The following DNAAF4 variants were observed in gnomAD, a reference collection of about 807,000 sequenced individuals.
DNAAF4 encodes the protein dynein assembly factor 4, axonemal.
Under a neutral mutation model 51.8 loss-of-function variants are expected in DNAAF4, and 43 were observed. That is an observed-to-expected ratio of 0.83 (90% CI 0.65 to 1.07). The LOEUF is 1.07. Ranked by LOEUF, DNAAF4 falls within the 50% of genes least tolerant of loss-of-function variation. DNAAF4 has a pLI of 0.00. For missense variants in DNAAF4, 581 were observed against 493.0 expected (o/e 1.18, Z -1.69); for synonymous variants, 194 against 165.6 (o/e 1.17, Z -1.32).
chr15:55,495,176 A>G (rs1424745736), intron 3 of DNAAF4: 1 of 144,516 alleles, frequency 6.9e-6, no homozygotes, highest in Non-Finnish European at 1.5e-5. Flanking sequence ...CTGATTCTTT[A>G]AAACTCTTTA....
At chr15:55,484,119 A>C (rs749837744) in intron 4 of DNAAF4, among the ~76,000 whole-genome samples, 1 of 151,992 alleles carries the variant, frequency 6.6e-6, no homozygotes, top group Non-Finnish European at 1.5e-5. Context: ...AGAAACCGGA[A>C]TCCTTGCACA....
At chr15:55,461,318 G>C (rs552040553) in intron 5 of DNAAF4, among the ~76,000 whole-genome samples, 1 of 151,140 alleles carries the variant, frequency 6.6e-6, no homozygotes, top group East Asian at 2.0e-4. Context: ...GAATGGTCTC[G>C]ATCTCCTGAC....
chr15:55,456,103 G>A (rs1455444063), intron 5 of DNAAF4, among the ~76,000 whole-genome samples: 3 of 149,628 alleles, frequency 2.0e-5, no homozygotes, highest in Non-Finnish European at 3.0e-5. Flanking sequence ...TTTTGAGATG[G>A]AGTTTCACTC....
At chr15:55,419,335 C>T (rs1025331602) in intron 7 of DNAAF4, among the ~76,000 whole-genome samples, 39 of 152,236 alleles carry the variant, frequency 2.6e-4, no homozygotes, top group African/African-American at 8.7e-4. Context: ...AACTATCCCC[C>T]ACCTCAGCCT....
At chr15:55,468,479 A>T (rs1595926018) in intron 4 of DNAAF4, among the ~76,000 whole-genome samples, 1 of 152,206 alleles carries the variant, frequency 6.6e-6, no homozygotes, top group East Asian at 1.9e-4. Context: ...AGCTGCCAAC[A>T]GATTGAACCA....
At chr15:55,502,132 C>G (rs189389617) in intron 1 of DNAAF4, among the ~76,000 whole-genome samples, 177 of 151,928 alleles carry the variant, frequency 1.2e-3, no homozygotes, top group African/African-American at 4.1e-3. Flanking sequence ...GCCAGAGACA[C>G]AGGGACATTT....
At position 55,431,422 on chromosome 15, in the gene DNAAF4, A is replaced by C. The variant is rs559820710; in HGVS notation, c.1154-643T>G. Among the ~76,000 whole-genome samples the C allele has an allele frequency of 1.5e-4, 22 of 151,598 alleles. No individual in the cohort carries two copies. In the East Asian group the frequency reaches 3.9e-3, roughly 27 times the overall value. On this transcript the variant is annotated intron_variant, in intron 9 of 9. Transcript: ENST00000321149. ...TACATACATACAGGGATGACCGAAG[A>C]AGCTCTCTGAGATAAATATCCATGA...
At chr15:55,445,575 C>G (rs1392991326) in intron 6 of DNAAF4, among the ~76,000 whole-genome samples, 3 of 152,054 alleles carry the variant, frequency 2.0e-5, no homozygotes, top group Non-Finnish European at 4.4e-5. Context: ...TTGGGTACAC[C>G]TCCCAGATGG....
At chr15:55,430,846 A>T (rs2057480958) in intron 9 of DNAAF4, 67 bp from the exon 10 acceptor site, 1 of 1,267,754 alleles carries the variant, frequency 7.9e-7, no homozygotes, top group African/African-American at 1.5e-5. Flanking sequence ...TATCTAGACA[A>T]TAGTTGTTTA....
intron 4 of DNAAF4, among the ~76,000 whole-genome samples, chr15:55,473,299 A>G (rs200412037): frequency 0.033 from 2,045 of 61,450 alleles, 55 homozygotes; most frequent in African/African-American, 0.038. Flanking sequence ...ATATATGTGT[A>G]TATATATGTG....
intron 4 of DNAAF4, among the ~76,000 whole-genome samples, chr15:55,481,336 C>G (rs2058407926): frequency 6.6e-6 from 1 of 152,176 alleles, no homozygotes; most frequent in Admixed American, 6.5e-5. Context: ...AATATGACAA[C>G]AGTTGTCCAA....
In DNAAF4 at chr15:55,487,525, GTT is replaced by G. The variant is rs376974567; in HGVS notation, c.405+3596_405+3597del. ...TCCCCTTCCATGCTGTGGAAGCTTT[GTT>G]CTTTCACTCTTCATAATAAATCTTG... On this transcript the variant is annotated intron_variant, in intron 4 of 9. Transcript: ENST00000321149. Among the ~76,000 whole-genome samples the G allele has an allele frequency of 2.6e-4, 39 of 152,292 alleles. No individual in the cohort carries two copies. The East Asian group carries it at 7.2e-3, about 28-fold the overall frequency.
intron 4 of DNAAF4, among the ~76,000 whole-genome samples, chr15:55,473,355 ATATATGTGTGTGTG>A (rs2058293704): frequency 2.2e-5 from 3 of 137,324 alleles, no homozygotes; most frequent in South Asian, 2.4e-4. Context: ...ATGTGTGTAT[ATATATGTGTGTGTG>A]TATATATATA....
chr15:55,442,654 T>C (rs1196954227), intron 6 of DNAAF4: 19 of 1,535,256 alleles, frequency 1.2e-5, no homozygotes, highest in Non-Finnish European at 1.7e-5. Context: ...TTTAGCAGGA[T>C]TCAGCTTTAT....
At chr15:55,473,210 T>A (rs1396787005) in intron 4 of DNAAF4, among the ~76,000 whole-genome samples, 3 of 122,872 alleles carry the variant, frequency 2.4e-5, no homozygotes, top group African/African-American at 8.9e-5. Flanking sequence ...TATATATATA[T>A]ATATATATAT....
intron 8 of DNAAF4, among the ~76,000 whole-genome samples, chr15:55,433,246 G>C (rs1310094936): frequency 6.6e-6 from 1 of 152,062 alleles, no homozygotes; most frequent in Non-Finnish European, 1.5e-5. Context: ...GTTGCAATAA[G>C]CCAAGAACGC....
intron 1 of DNAAF4, among the ~76,000 whole-genome samples, chr15:55,502,653 G>C (rs558262724): frequency 6.6e-6 from 1 of 152,282 alleles, no homozygotes; most frequent in South Asian, 2.1e-4. Context: ...GTAAAAAAAA[G>C]TAGCTGTTGC....
intron 5 of DNAAF4, among the ~76,000 whole-genome samples, chr15:55,453,047 G>A (rs917560820): frequency 3.9e-5 from 6 of 151,972 alleles, no homozygotes; most frequent in African/African-American, 7.3e-5. Flanking sequence ...GGCTGGTCTC[G>A]AACTCCTGAT....
In DNAAF4 at chr15:55,489,536, G is replaced by A. The variant is rs938410230; in HGVS notation, c.405+1587C>T. ...TAAAAATATAAAAAATTAGCCAGGC[G>A]TGGTGGTGCACATCTGTAGTCCCAG... On this transcript the variant is annotated intron_variant, in intron 4 of 9. Transcript: ENST00000321149. Among the ~76,000 whole-genome samples, 27 of 151,996 alleles carry A rather than the reference G, an allele frequency of 1.8e-4. 1 individual carries two copies. Among genetic ancestry groups the A allele is most frequent in the African/African-American group, 4.8e-5 (2 of 41,472 alleles).
Sources: allele counts gnomAD v4.1 joint callset (sites outside exome capture counted in the v4.1 genomes callset), GRCh38; gene constraint gnomAD v4.1.1; transcripts MANE v1.5; gene names NCBI Gene and HGNC (gene_info 2026-07-23, HGNC 2026-07-21).